CALCOCO1: variants seen among roughly 807,000 people sequenced by gnomAD.
CALCOCO1 encodes calcium binding and coiled-coil domain 1.
In CALCOCO1, 44 loss-of-function variants were observed where a neutral mutation model predicts 86.3. The ratio of observed to expected loss-of-function variants is 0.51; its 90% CI spans 0.40 to 0.66. The LOEUF (loss-of-function observed/expected upper bound fraction) is 0.66. CALCOCO1 is among the 30% of genes least tolerant of loss of function. The pLI is 0.00. For synonymous variants in CALCOCO1, 297 were observed against 327.6 expected (o/e 0.91, Z 1.01); for missense variants, 708 against 851.1 (o/e 0.83, Z 2.09).
chr12:53,709,086 C>T lies in CALCOCO1; in HGVS notation c.*2858G>A, dbSNP rs184210420. The T allele has an allele frequency of 1.2e-4, 19 of 152,270 alleles. No individual in the cohort carries two copies. Among genetic ancestry groups the T allele is most frequent in the Admixed American group, 1.0e-3 (16 of 15,292 alleles). The allele number at this position is 152,270 out of a possible 1,614,324, so 9.4% of individuals were successfully genotyped here. ...TCGTTCTTTCACCACCAAATACTGACGCGAGTTCCTATTTGCTGCTACTTG... is the reference window on the plus strand; with the variant it reads ...TCGTTCTTTCACCACCAAATACTGATGCGAGTTCCTATTTGCTGCTACTTG... On this transcript the variant is annotated 3_prime_UTR_variant, in exon 15 of 15. Coordinates refer to ENST00000550804, the MANE Select transcript of CALCOCO1 (RefSeq NM_020898.3).
intron 7 of CALCOCO1, among the ~76,000 whole-genome samples, chr12:53,718,020 G>A (rs773676612): frequency 2.0e-5 from 3 of 152,138 alleles, no homozygotes; most frequent in Admixed American, 6.5e-5. Context: ...ATGAAACTCC[G>A]TCTCAAAACA....
At chr12:53,718,337 C>G (rs1338693984) in intron 7 of CALCOCO1, among the ~76,000 whole-genome samples, 3 of 152,054 alleles carry the variant, frequency 2.0e-5, no homozygotes, top group Admixed American at 1.3e-4. Context: ...TTTGGTATGC[C>G]TCAAAATTAC....
chr12:53,722,854 T>C (rs1945912360), intron 4 of CALCOCO1: 1 of 412,862 alleles, frequency 2.4e-6, no homozygotes, highest in African/African-American at 2.1e-5. Context: ...GAATCACGAT[T>C]GTGAAACCGC....
chr12:53,715,114 T>A, intron 10 of CALCOCO1, 86 bp downstream of exon 10: 1 of 1,510,428 alleles, frequency 6.6e-7, no homozygotes, highest in Non-Finnish European at 9.0e-7. Context: ...ACCTAGCACT[T>A]CTGAGCCCAT....
intron 5 of CALCOCO1, 31 bp downstream of exon 5, chr12:53,721,994 G>A (rs780318716): frequency 1.2e-6 from 2 of 1,610,596 alleles, no homozygotes; most frequent in Admixed American, 3.3e-5. Context: ...TGAGCAGCCA[G>A]GCCCTGTCCC....
At chr12:53,719,901 T>A in intron 6 of CALCOCO1, 72 bp from the exon 7 acceptor site, 1 of 980,724 alleles carries the variant, frequency 1.0e-6, no homozygotes, top group Non-Finnish European at 1.6e-6. Flanking sequence ...GCCTCTGTCT[T>A]GTGCTCTGCT....
intron 5 of CALCOCO1, 118 bp downstream of exon 5, chr12:53,721,907 G>T: frequency 8.3e-7 from 1 of 1,201,680 alleles, no homozygotes; most frequent in Non-Finnish European, 1.2e-6. Flanking sequence ...CTATTTCCTT[G>T]ATGCCAGAAC....
chr12:53,720,356 T>C (rs1403567666), intron 6 of CALCOCO1, among the ~76,000 whole-genome samples: 3 of 152,254 alleles, frequency 2.0e-5, no homozygotes, highest in Non-Finnish European at 4.4e-5. Flanking sequence ...TTGAAGTTCA[T>C]ACAACTTTCA....
rs759658749 is a variant in CALCOCO1 at position 53,713,755 on chromosome 12, C to T, written c.1737G>A (p.Pro579=). Residue 579 remains proline (P), a synonymous_variant, in exon 13 of 15, where the codon CCG becomes CCA. Transcript: ENST00000550804. Reference sequence around the variant, plus strand: ...CAGAGAGGTGAGGAGAAATGGGAGCCGGCTGGCTGATGACAACAAGGGGAG... The same window carrying T: ...CAGAGAGGTGAGGAGAAATGGGAGCTGGCTGGCTGATGACAACAAGGGGAG... ...EASPLVVISQ[P]APISPHLSGP... is the part of the protein sequence containing the mutation. 38 of 1,605,696 alleles carry T rather than the reference C, an allele frequency of 2.4e-5. No individual in the cohort carries two copies. The highest frequency in any genetic ancestry group is 8.0e-5 in the African/African-American group (6 of 74,570).
intron 3 of CALCOCO1, chr12:53,724,331 A>G (rs575271081): frequency 7.6e-6 from 3 of 393,414 alleles, no homozygotes; most frequent in African/African-American, 6.2e-5. Context: ...GTGAGATTTG[A>G]ACCCAGGTCT....
At position 53,715,929 on chromosome 12, in the gene CALCOCO1, C is replaced by A. The variant is rs369466403; in HGVS notation, c.1124G>T (p.Arg375Leu). Reference sequence around the variant, plus strand: ...GCTGCGGTGTAGTTCGGCTATGGTGCGGTCCCTGGCTGCTGCTGCACTGGC... The same window carrying A: ...GCTGCGGTGTAGTTCGGCTATGGTGAGGTCCCTGGCTGCTGCTGCACTGGC... ...ELASAAAARD[R>L]TIAELHRSRL... Residue 375 changes from arginine to leucine, a missense_variant, in exon 9 of 15, where the codon CGC (arginine) becomes CTC (leucine). Coordinates refer to ENST00000550804, the MANE Select transcript of CALCOCO1 (RefSeq NM_020898.3). 1 of 1,614,160 alleles carries A rather than the reference C, an allele frequency of 6.2e-7. No individual in the cohort carries two copies. Among genetic ancestry groups the A allele is most frequent in the Non-Finnish European group, 8.5e-7 (1 of 1,180,044 alleles).
At chr12:53,712,900 A>G in intron 14 of CALCOCO1, 200 bp downstream of exon 14, 10 of 1,445,088 alleles carry the variant, frequency 6.9e-6, no homozygotes, top group Non-Finnish European at 9.3e-6. Context: ...CATTGATAAG[A>G]TAGGGGTAGG....
At position 53,711,167 on chromosome 12, in the gene CALCOCO1, G is replaced by A; in HGVS notation, c.*777C>T. 1 of 398,808 alleles carries A rather than the reference G, an allele frequency of 2.5e-6. No individual in the cohort carries two copies. The highest frequency in any genetic ancestry group is 4.4e-6 in the Non-Finnish European group (1 of 225,932). 24.7% of individuals were successfully genotyped at this position (398,808 alleles called of 1,614,324 possible). ...TCAAACTACAAAGGGATGGATATCA[G>A]GGGGAAGCTTTTATTGCTGTGGGGG... On this transcript the variant is annotated 3_prime_UTR_variant, in exon 15 of 15. Transcript: ENST00000550804.
chr12:53,716,694 A>G (rs1174014346), intron 7 of CALCOCO1, among the ~76,000 whole-genome samples: 1 of 152,100 alleles, frequency 6.6e-6, no homozygotes, highest in Admixed American at 6.5e-5. Flanking sequence ...TTTCTCTTAA[A>G]TCAAAACTCA....
rs758319135 is a variant in CALCOCO1, at chr12:53,715,816, C to A, written c.1237G>T (p.Ala413Ser). 6 of 1,613,676 alleles carry A rather than the reference C, an allele frequency of 3.7e-6. No individual in the cohort carries two copies. Among genetic ancestry groups the A allele is most frequent in the Admixed American group, 3.3e-5 (2 of 60,034 alleles). ...ACCTCCACACTCTGCAGCAGCCCTG[C>A]CCGCTCCTTGCTCCATTGGCATTTT... ...EEKCQWSKER[A>S]GLLQSVEAEK... The change falls in exon 9 of 15, where the codon GCA becomes TCA. Residue 413 changes from alanine (A) to serine (S), a missense_variant. Coordinates refer to ENST00000550804, the MANE Select transcript of CALCOCO1 (RefSeq NM_020898.3).
At position 53,711,067 on chromosome 12, in the gene CALCOCO1, C is replaced by G. The variant is rs1945537733; in HGVS notation, c.*877G>C. On this transcript the variant is annotated 3_prime_UTR_variant, in exon 15 of 15. Coordinates refer to ENST00000550804, the MANE Select transcript of CALCOCO1 (RefSeq NM_020898.3). The stretch of plus-strand genomic sequence containing the variant: ...GGTCTAAGAGCTGGAGGTCTGGGCC[C>G]TGTGTTCCAGTCACACCTCATGATA... 2.6e-6 allele frequency: 1 copy of G among 380,006 alleles called. No homozygotes were observed. Among genetic ancestry groups the G allele is most frequent in the Non-Finnish European group, 4.7e-6 (1 of 214,410 alleles). The allele number at this position is 380,006 out of a possible 1,614,324, so 23.5% of individuals were successfully genotyped here. A position where few individuals can be genotyped will look rare whatever the true frequency, so the allele number is the denominator to read the frequency against.
chr12:53,716,306 T>C lies in CALCOCO1; in HGVS notation c.959A>G (p.Lys320Arg), dbSNP rs1945725709. 7 of 1,614,206 alleles carry C rather than the reference T, an allele frequency of 4.3e-6. No homozygotes were observed. The highest frequency in any genetic ancestry group is 5.9e-6 in the Non-Finnish European group (7 of 1,180,034). ...TAGGGTGTCCTTCATCTGGGCCACC[T>C]TGTCTTTCAGTCGCTGAGCCTGAGC... Reference protein sequence around the residue: ...QSAQAQRLKDKVAQMKDTLGQ... With the variant: ...QSAQAQRLKDRVAQMKDTLGQ... The change falls in exon 8 of 15, where the codon AAG (lysine) becomes AGG (arginine). Residue 320 changes from lysine to arginine, a missense_variant. Lys to Arg is a conservative substitution (Grantham distance 26). Transcript: ENST00000550804.
chr12:53,723,576 T>C lies in CALCOCO1; in HGVS notation c.450+17A>G, dbSNP rs957054397. Reference sequence around the variant, plus strand: ...CCACTCCCTTGTCTGGGAATAACTCTGTTGCTCTTTTCTCACCTGTAACAC... The same window carrying C: ...CCACTCCCTTGTCTGGGAATAACTCCGTTGCTCTTTTCTCACCTGTAACAC... On this transcript the variant is annotated intron_variant, in intron 4 of 14. Coordinates refer to ENST00000550804, the MANE Select transcript of CALCOCO1 (RefSeq NM_020898.3). 6.2e-7 allele frequency: 1 copy of C among 1,613,918 alleles called. No individual in the cohort carries two copies. Among genetic ancestry groups the C allele is most frequent in the Non-Finnish European group, 8.5e-7 (1 of 1,179,894 alleles).
rs931809191 is a variant in CALCOCO1, at chr12:53,719,808, G to T, written c.780C>A (p.Ala260=). The T allele has an allele frequency of 2.5e-6, 4 of 1,613,320 alleles. No individual in the cohort carries two copies. The highest frequency in any genetic ancestry group is 1.7e-5 in the Admixed American group (1 of 59,964). ...GGAGCTTCTCTTGTTCCCGAGTCAGGGCCTTCACTGTGTCTCTAAGCCTGT... is the reference window on the plus strand; with the variant it reads ...GGAGCTTCTCTTGTTCCCGAGTCAGTGCCTTCACTGTGTCTCTAAGCCTGT... ...ELDRLRDTVK[A]LTREQEKLLG... is the part of the protein sequence containing the mutation. The change falls in exon 7 of 15, where the codon GCC becomes GCA. Residue 260 remains alanine (A), a synonymous_variant. Coordinates refer to ENST00000550804, the MANE Select transcript of CALCOCO1 (RefSeq NM_020898.3).
Sources: allele counts gnomAD v4.1 joint callset (sites outside exome capture counted in the v4.1 genomes callset), GRCh38; gene constraint gnomAD v4.1.1; transcripts MANE v1.5; gene names NCBI Gene and HGNC (gene_info 2026-07-23, HGNC 2026-07-21).